ACVRL1: variants seen among roughly 807,000 people sequenced by gnomAD.
ACVRL1 encodes the protein activin receptor type-1-like.
A neutral mutation model predicts 51.9 loss-of-function variants in ACVRL1; 20 were observed. The observed-to-expected ratio is 0.39, with a 90% CI of 0.27 to 0.56. The LOEUF (loss-of-function observed/expected upper bound fraction) is 0.56. Ranked by LOEUF, ACVRL1 falls within the 20% of genes least tolerant of loss-of-function variation. ACVRL1 has a pLI of 0.67. For missense variants in ACVRL1, 451 were observed against 670.3 expected (o/e 0.67, Z 3.61); for synonymous variants, 288 against 280.9 (o/e 1.03, Z -0.25).
In ACVRL1 at chr12:51,913,152, C is replaced by A. The variant is rs1459735315; in HGVS notation, c.115C>A (p.Pro39Thr). The change falls in exon 3 of 10, where the codon CCA (proline) becomes ACA (threonine). Residue 39 changes from proline (P) to threonine (T), a missense_variant. Physicochemically the swap from Pro to Thr is conservative, Grantham distance 38. Around this residue, in one of 2 missense-constraint regions of ACVRL1, gnomAD observed 192 missense variants for 216.9 expected, o/e 0.89. Coordinates refer to ENST00000388922, the MANE Select transcript of ACVRL1 (RefSeq NM_000020.3). ...GCTGGTGACCTGCACGTGTGAGAGC[C>A]CACATTGCAAGGGGCCTACCTGCCG... ...GPLVTCTCES[P>T]HCKGPTCRGA... 2 of 1,606,622 alleles carry A rather than the reference C, an allele frequency of 1.2e-6. No individual in the cohort carries two copies. The highest frequency in any genetic ancestry group is 1.1e-5 in the South Asian group (1 of 89,884).
intron 9 of ACVRL1, among the ~76,000 whole-genome samples, chr12:51,919,795 C>A (rs1183020043): frequency 6.6e-6 from 1 of 152,166 alleles, no homozygotes; most frequent in Non-Finnish European, 1.5e-5. Flanking sequence ...GACACACACA[C>A]GTATATCAAC....
At chr12:51,907,204 A>AC (rs983193222), upstream of ACVRL1, among the ~76,000 whole-genome samples, 228 of 151,048 alleles carry the variant, frequency 1.5e-3, 2 homozygotes, top group Non-Finnish European at 7.4e-5. This position sits in a 1 kb window ranked among gnomAD's most constrained non-coding sequence, Gnocchi z 4.5. Flanking sequence ...CCCCTATGGG[A>AC]CCCCCACAGG....
intron 8 of ACVRL1, 55 bp from the exon 9 acceptor site, chr12:51,918,930 G>A: frequency 6.2e-7 from 1 of 1,613,974 alleles, no homozygotes; most frequent in East Asian, 2.2e-5. Flanking sequence ...CCTCTGGGTG[G>A]TATTGGGCCT....
chr12:51,919,232 G>T, intron 9 of ACVRL1, 117 bp downstream of exon 9: 1 of 1,482,390 alleles, frequency 6.7e-7, no homozygotes, highest in Admixed American at 1.9e-5. Flanking sequence ...GAGTGTCCTG[G>T]TTAGGGCACC....
chr12:51,918,228 C>G (rs1224367479), intron 8 of ACVRL1, among the ~76,000 whole-genome samples: 1 of 152,224 alleles, frequency 6.6e-6, no homozygotes, highest in Non-Finnish European at 1.5e-5. Flanking sequence ...TGTGCCATCC[C>G]TGACACTGGG....
intron 9 of ACVRL1, among the ~76,000 whole-genome samples, chr12:51,919,733 G>C (rs771954660): frequency 6.6e-6 from 1 of 152,096 alleles, no homozygotes; most frequent in Non-Finnish European, 1.5e-5. Flanking sequence ...GTTTGTTGCT[G>C]TTTTGTTGTT....
In ACVRL1 at chr12:51,921,725, T is replaced by C. The variant is rs1221940522; in HGVS notation, c.*832T>C. The C allele has an allele frequency of 1.3e-5, 2 of 151,818 alleles. No individual in the cohort carries two copies. The highest frequency in any genetic ancestry group is 4.9e-5 in the African/African-American group (2 of 41,008). The allele number at this position is 151,818 out of a possible 1,614,324, so 9.4% of individuals were successfully genotyped here. A position where few individuals can be genotyped will look rare whatever the true frequency, so the allele number is the denominator to read the frequency against. ...CAGGCCTGTCTCAGGACCTTTTCTT[T>C]TCTTTTTTCCTTCTTTTTTTTTTTG... On this transcript the variant is annotated 3_prime_UTR_variant, in exon 10 of 10. Coordinates refer to ENST00000388922, the MANE Select transcript of ACVRL1 (RefSeq NM_000020.3).
intron 8 of ACVRL1, 95 bp downstream of exon 8, chr12:51,916,328 T>A: frequency 7.1e-7 from 1 of 1,398,690 alleles, no homozygotes; most frequent in Non-Finnish European, 9.7e-7. Context: ...CTGGGAGGTT[T>A]GCAGTCAGAC....
At position 51,913,362 on chromosome 12, in the gene ACVRL1, T is replaced by A. The variant is rs1398012343; in HGVS notation, c.313+12T>A. On this transcript the variant is annotated intron_variant, in intron 3 of 9. Coordinates refer to ENST00000388922, the MANE Select transcript of ACVRL1 (RefSeq NM_000020.3). ...CCTGGTGCTGGAGGGTACGTCCAGC[T>A]GCCCTAGCACTCCCTCCCCATCTTC... is the stretch of plus-strand genomic sequence containing the variant. The A allele has an allele frequency of 6.2e-7, 1 of 1,607,524 alleles. No individual in the cohort carries two copies. The highest frequency in any genetic ancestry group is 8.5e-7 in the Non-Finnish European group (1 of 1,177,382).
chr12:51,912,296 C>G (rs370288633), intron 1 of ACVRL1, 174 bp from the exon 2 acceptor site: 8 of 707,188 alleles, frequency 1.1e-5, no homozygotes, highest in Non-Finnish European at 2.0e-5. Flanking sequence ...GGAAGTGAAC[C>G]AGGACTTCCC....
At position 51,922,991 on chromosome 12, in the gene ACVRL1, A is replaced by C. The variant is rs886049619; in HGVS notation, c.*2098A>C. On this transcript the variant is annotated 3_prime_UTR_variant, in exon 10 of 10. Transcript: ENST00000388922. ...AGTTTGCACGTCCTCTGGTCACTGG[A>C]ATCCACCCAGCCCACGAATCATCTC... The C allele has an allele frequency of 6.6e-6, 1 of 152,624 alleles. No individual in the cohort carries two copies. The highest frequency in any genetic ancestry group is 1.5e-5 in the Non-Finnish European group (1 of 68,048). The allele number at this position is 152,624 out of a possible 1,614,324, so 9.5% of individuals were successfully genotyped here. A position where few individuals can be genotyped will look rare whatever the true frequency, so the allele number is the denominator to read the frequency against.
Position 51,920,942 on chromosome 12 carries a change from G to GGGGGGGGGGGGGGGGGGGGCC in ACVRL1, c.*52_*53insGGGGGGGGGGGGGGGGCCGGG. 2 of 629,042 alleles carry GGGGGGGGGGGGGGGGGGGGCC rather than the reference G, an allele frequency of 3.2e-6. No individual in the cohort carries two copies. The highest frequency in any genetic ancestry group is 3.6e-5 in the East Asian group (1 of 27,732). 39.0% of individuals were successfully genotyped at this position (629,042 alleles called of 1,614,324 possible). On this transcript the variant is annotated 3_prime_UTR_variant, in exon 10 of 10. Transcript: ENST00000388922. ...TGCCTGCAGGGGGCTGGGGGGGTGG[G>GGGGGGGGGGGGGGGGGGGGCC]GGGCAGTGGATGGTGCCCTATCTGG...
intron 8 of ACVRL1, among the ~76,000 whole-genome samples, chr12:51,916,436 G>C (rs1940843569): frequency 2.0e-5 from 3 of 152,246 alleles, no homozygotes; most frequent in Admixed American, 6.5e-5. Flanking sequence ...TGTGAGTCTG[G>C]CTGTGAAATC....
chr12:51,923,192 G>C lies in ACVRL1; in HGVS notation c.*2299G>C, dbSNP rs1941022548. 6.6e-6 allele frequency: 1 copy of C among 152,494 alleles called. No homozygotes were observed. The highest frequency in any genetic ancestry group is 2.1e-4 in the South Asian group (1 of 4,828). 9.4% of individuals were successfully genotyped at this position (152,494 alleles called of 1,614,324 possible). A position where few individuals can be genotyped will look rare whatever the true frequency, so the allele number is the denominator to read the frequency against. The stretch of plus-strand genomic sequence containing the variant: ...GAGAAGGGGGCCCAATGGCCAGGGA[G>C]TGAAGGAGGTGGCGTTGCTGAGAGC... On this transcript the variant is annotated 3_prime_UTR_variant, in exon 10 of 10. Transcript: ENST00000388922.
At chr12:51,911,285 G>T (rs3782480) in intron 1 of ACVRL1, among the ~76,000 whole-genome samples, 13,968 of 152,208 alleles carry the variant, frequency 0.092, 974 homozygotes, top group East Asian at 0.35. Context: ...ACCTGGATTG[G>T]GGACTATCAT....
Position 51,914,446 on chromosome 12 carries a change from C to T in ACVRL1, c.633C>T (p.Gly211=), listed in dbSNP as rs1940780591. Residue 211 remains glycine, a synonymous_variant, in exon 6 of 10, where the codon GGC becomes GGT. Coordinates refer to ENST00000388922, the MANE Select transcript of ACVRL1 (RefSeq NM_000020.3). ...TTCCCCTCTGGCCATCAGGAAAAGG[C>T]CGCTATGGCGAAGTGTGGCGGGGCT... The part of the protein sequence containing the change: ...QVALVECVGK[G]RYGEVWRGLW... The T allele has an allele frequency of 1.9e-6, 3 of 1,614,086 alleles. No individual in the cohort carries two copies. The Admixed American group carries it at 5.0e-5, about 27-fold the overall frequency.
rs572459418 is a variant in ACVRL1 at position 51,913,354 on chromosome 12, C to T, written c.313+4C>T. 2.5e-6 allele frequency: 4 copies of T among 1,611,446 alleles called. No homozygotes were observed. Among genetic ancestry groups the T allele is most frequent in the East Asian group, 2.2e-5 (1 of 44,848 alleles). The stretch of plus-strand genomic sequence containing the variant: ...AACGTGTCCCTGGTGCTGGAGGGTA[C>T]GTCCAGCTGCCCTAGCACTCCCTCC... On this transcript the variant is annotated splice_donor_region_variant and intron_variant, in intron 3 of 9. Transcript: ENST00000388922.
intron 5 of ACVRL1, 62 bp from the exon 6 acceptor site, chr12:51,914,377 G>C: frequency 6.2e-7 from 1 of 1,610,144 alleles, no homozygotes; most frequent in Non-Finnish European, 8.5e-7. Context: ...ATCAAGATGG[G>C]GGGCTCTTCC....
In ACVRL1 at chr12:51,922,453, A is replaced by G. The variant is rs80260084; in HGVS notation, c.*1560A>G. The G allele has an allele frequency of 6.6e-6, 1 of 152,212 alleles. No homozygotes were observed. The highest frequency in any genetic ancestry group is 1.5e-5 in the Non-Finnish European group (1 of 68,148). 9.4% of individuals were successfully genotyped at this position (152,212 alleles called of 1,614,324 possible). On this transcript the variant is annotated 3_prime_UTR_variant, in exon 10 of 10. Coordinates refer to ENST00000388922, the MANE Select transcript of ACVRL1 (RefSeq NM_000020.3). ...CATCCAAGAAGGCTCCAGCTCCCCT[A>G]CTGGCCCCTGGCTCAGGCCCACACC... is the stretch of plus-strand genomic sequence containing the variant.
Sources: allele counts gnomAD v4.1 joint callset (sites outside exome capture counted in the v4.1 genomes callset), GRCh38; gene constraint gnomAD v4.1.1; regional missense constraint gnomAD v4.1.1; non-coding constraint Gnocchi (gnomAD v3.1); transcripts MANE v1.5; gene names NCBI Gene and HGNC (gene_info 2026-07-23, HGNC 2026-07-21).